GALNT17: variants seen among roughly 807,000 people sequenced by gnomAD.
GALNT17 encodes polypeptide N-acetylgalactosaminyltransferase 17.
GALNT17 carries 29 observed loss-of-function variants against 63.7 expected under a neutral mutation model. The ratio of observed to expected loss-of-function variants is 0.46; its 90% CI spans 0.34 to 0.62. The LOEUF (loss-of-function observed/expected upper bound fraction) is 0.62. GALNT17 is among the 20% of genes least tolerant of loss of function. The pLI, the probability that GALNT17 is intolerant of heterozygous loss-of-function variation, is 0.01. For missense variants in GALNT17, 603 were observed against 799.6 expected, an observed-to-expected ratio of 0.75 and a Z score of 2.97; for synonymous variants, 305 against 318.3, an observed-to-expected ratio of 0.96 and a Z score of 0.45.
chr7:71,500,405 C>T (rs1788161902), intron 5 of GALNT17, among the ~76,000 whole-genome samples: 1 of 152,162 alleles, frequency 6.6e-6, no homozygotes, highest in Admixed American at 6.5e-5. Flanking sequence ...TATTCGTGGT[C>T]CTCCTTGATC....
chr7:71,435,937 G>C (rs373984909), intron 5 of GALNT17, among the ~76,000 whole-genome samples: 6 of 149,052 alleles, frequency 4.0e-5, no homozygotes, highest in African/African-American at 1.5e-4. Flanking sequence ...GGAGAATGGC[G>C]TGAACCTGGG....
chr7:71,488,889 CTTTTT>C (rs369124996), intron 5 of GALNT17, among the ~76,000 whole-genome samples: 7 of 54,724 alleles, frequency 1.3e-4, no homozygotes, highest in Non-Finnish European at 2.1e-4. Flanking sequence ...GCCAGGTTTC[CTTTTT>C]TTTTTTTTTT....
chr7:71,276,519 G>A (rs902251356), intron 1 of GALNT17, among the ~76,000 whole-genome samples: 1 of 152,140 alleles, frequency 6.6e-6, no homozygotes, highest in Non-Finnish European at 1.5e-5. Context: ...TTCCCATGCT[G>A]TTCTCATGAT....
chr7:71,609,012 C>T (rs1334682432), intron 6 of GALNT17, among the ~76,000 whole-genome samples: 1 of 150,786 alleles, frequency 6.6e-6, no homozygotes, highest in Non-Finnish European at 1.5e-5. Context: ...AACTCCTGGG[C>T]TCAAGTGATC....
intron 2 of GALNT17, among the ~76,000 whole-genome samples, chr7:71,369,701 T>C (rs1792583635): frequency 6.6e-6 from 1 of 150,504 alleles, no homozygotes; most frequent in Non-Finnish European, 1.5e-5. Flanking sequence ...TAATCCCAGC[T>C]ACTCGGGAGG....
intron 6 of GALNT17, among the ~76,000 whole-genome samples, chr7:71,594,906 A>C (rs1330786998): frequency 6.6e-6 from 1 of 152,236 alleles, no homozygotes; most frequent in African/African-American, 2.4e-5. Context: ...GCTTGTGGAC[A>C]TGACCTTATT....
At chr7:71,179,120 G>A (rs1290518190) in intron 1 of GALNT17, among the ~76,000 whole-genome samples, 3 of 152,180 alleles carry the variant, frequency 2.0e-5, no homozygotes, top group Non-Finnish European at 2.9e-5. Context: ...AAGGGAAAGG[G>A]AAACGTCAAG....
At chr7:71,388,033 G>A (rs1033879957) in intron 2 of GALNT17, among the ~76,000 whole-genome samples, 2 of 152,064 alleles carry the variant, frequency 1.3e-5, no homozygotes, top group African/African-American at 2.4e-5. Context: ...GAATCTGGGA[G>A]AAGTGGGGCT....
chr7:71,157,667 A>G (rs541338560), intron 1 of GALNT17, among the ~76,000 whole-genome samples: 1 of 151,650 alleles, frequency 6.6e-6, no homozygotes, highest in Admixed American at 6.6e-5. Flanking sequence ...CAGAAAGAAA[A>G]AAATATTGAG....
intron 9 of GALNT17, among the ~76,000 whole-genome samples, chr7:71,678,856 G>A (rs1233864208): frequency 4.2e-4 from 63 of 151,170 alleles, no homozygotes; most frequent in Non-Finnish European, 7.5e-4. Flanking sequence ...TACTGGAGAG[G>A]CTGAGGCAGG....
intron 1 of GALNT17, among the ~76,000 whole-genome samples, chr7:71,274,728 A>G (rs1161102415): frequency 6.6e-6 from 1 of 152,184 alleles, no homozygotes; most frequent in Admixed American, 6.5e-5. Flanking sequence ...AGTAGTACCT[A>G]CAACTCTGTG....
At chr7:71,207,418 T>G (rs1002445243) in intron 1 of GALNT17, among the ~76,000 whole-genome samples, 1 of 152,208 alleles carries the variant, frequency 6.6e-6, no homozygotes, top group Non-Finnish European at 1.5e-5. Context: ...TCTTCTGTTA[T>G]GTGGAGCTGG....
chr7:71,543,790 T>G (rs901367867), intron 5 of GALNT17, among the ~76,000 whole-genome samples: 13 of 78,040 alleles, frequency 1.7e-4, no homozygotes, highest in Non-Finnish European at 2.8e-4. Flanking sequence ...TTCCTTTCTT[T>G]CTTTTCTTTC....
intron 5 of GALNT17, among the ~76,000 whole-genome samples, chr7:71,564,278 C>CTTTTTT (rs10539122): frequency 0.025 from 2,478 of 97,938 alleles, 12 homozygotes; most frequent in Non-Finnish European, 0.035. Context: ...CTTTTCTTTT[C>CTTTTTT]TTTTTTTTTT....
At chr7:71,494,301 C>T (rs974168905) in intron 5 of GALNT17, among the ~76,000 whole-genome samples, 5 of 152,086 alleles carry the variant, frequency 3.3e-5, no homozygotes, top group East Asian at 1.9e-4. Flanking sequence ...TCCATCAACA[C>T]GTGGGGATTA....
rs982492610 is a variant in GALNT17, at chr7:71,390,577, T to C, written c.589+2176T>C. 2.0e-5 allele frequency among the ~76,000 whole-genome samples: 3 copies of C among 152,310 alleles called. No homozygotes were observed. In the South Asian group the frequency reaches 6.2e-4, roughly 32 times the overall value. On this transcript the variant is annotated intron_variant, in intron 3 of 10. Transcript: ENST00000333538. Reference sequence around the variant, plus strand: ...AGCCTCTAAGTTGTGCAGCAAAGTCTCTTTCCTTGACATGCCCACGGCTCT... The same window carrying C: ...AGCCTCTAAGTTGTGCAGCAAAGTCCCTTTCCTTGACATGCCCACGGCTCT...
intron 9 of GALNT17, among the ~76,000 whole-genome samples, chr7:71,705,569 G>T (rs1791711340): frequency 6.6e-6 from 1 of 152,112 alleles, no homozygotes; most frequent in Non-Finnish European, 1.5e-5. Context: ...AATTGTACAT[G>T]AATATCCACA....
At chr7:71,667,347 A>G (rs1235315226) in intron 7 of GALNT17, among the ~76,000 whole-genome samples, 1 of 152,256 alleles carries the variant, frequency 6.6e-6, no homozygotes, top group Non-Finnish European at 1.5e-5. Context: ...CTGTTAAGTA[A>G]TAAGTGCTTT....
At chr7:71,474,061 G>C (rs1215620738) in intron 5 of GALNT17, among the ~76,000 whole-genome samples, 2 of 152,042 alleles carry the variant, frequency 1.3e-5, no homozygotes, top group Non-Finnish European at 2.9e-5. Flanking sequence ...AGTTTTCCAG[G>C]AAAGGGGTGG....
Sources: allele counts gnomAD v4.1 joint callset (sites outside exome capture counted in the v4.1 genomes callset), GRCh38; gene constraint gnomAD v4.1.1; transcripts MANE v1.5; gene names NCBI Gene and HGNC (gene_info 2026-07-23, HGNC 2026-07-21).